The following TGS1 variants were observed in gnomAD, a reference collection of about 807,000 sequenced individuals.
TGS1 encodes trimethylguanosine synthase.
In TGS1, 69 loss-of-function variants were observed where a neutral mutation model predicts 92.2. The observed-to-expected ratio is 0.75, with a 90% CI of 0.62 to 0.91. TGS1 has a LOEUF of 0.91. Among genes scored for constraint, TGS1 ranks in the 40% least tolerant of loss-of-function variants. The pLI, the probability that TGS1 is intolerant of heterozygous loss-of-function variation, is 0.00. For synonymous variants in TGS1, 345 were observed against 338.1 expected (o/e 1.02, Z -0.22); for missense variants, 1,062 against 1,001.2 (o/e 1.06, Z -0.82).
At chr8:55,823,372 G>A (rs933464548) in intron 12 of TGS1, among the ~76,000 whole-genome samples, 5 of 152,194 alleles carry the variant, frequency 3.3e-5, no homozygotes, top group African/African-American at 1.2e-4. Context: ...CATTTGGCTA[G>A]CATCCTTTTG....
intron 10 of TGS1, among the ~76,000 whole-genome samples, chr8:55,808,203 A>T (rs1192753410): frequency 1.3e-5 from 2 of 152,204 alleles, no homozygotes; most frequent in Non-Finnish European, 1.5e-5. Context: ...GATAGCCTAG[A>T]GACAAGCTAC....
intron 12 of TGS1, among the ~76,000 whole-genome samples, chr8:55,817,314 CG>C (rs1803508013): frequency 6.6e-6 from 1 of 151,808 alleles, no homozygotes; most frequent in Admixed American, 6.6e-5. Flanking sequence ...ATAGATAGGT[CG>C]ATAGGAATGA....
Position 55,786,747 on chromosome 8 carries a change from C to T in TGS1, c.849C>T (p.Asn283=), listed in dbSNP as rs146870824. 5.9e-5 allele frequency: 95 copies of T among 1,614,036 alleles called. No homozygotes were observed. In the African/African-American group the frequency reaches 7.3e-4, roughly 12 times the overall value. Residue 283 remains asparagine, a synonymous_variant, in exon 4 of 13, where the codon AAC becomes AAT. Coordinates refer to ENST00000260129, the MANE Select transcript of TGS1 (RefSeq NM_024831.8). ...YTSKTEADDK[N]DEKCMKVDLV... ...CTAAAACAGAAGCTGATGACAAGAACGATGAAAAATGCATGAAAGTTGACT... is the reference window on the plus strand; with the variant it reads ...CTAAAACAGAAGCTGATGACAAGAATGATGAAAAATGCATGAAAGTTGACT...
chr8:55,802,413 T>G (rs770344974), intron 8 of TGS1, 44 bp from the exon 9 acceptor site: 3 of 1,546,002 alleles, frequency 1.9e-6, no homozygotes, highest in Non-Finnish European at 2.7e-6. Flanking sequence ...GTGATACTAA[T>G]TTTTTTCTTA....
chr8:55,801,829 C>G (rs1812224248), intron 8 of TGS1, among the ~76,000 whole-genome samples: 1 of 151,638 alleles, frequency 6.6e-6, no homozygotes. Flanking sequence ...CCTGCCTCAG[C>G]CTCCCAAAGT....
At chr8:55,810,746 A>T in intron 10 of TGS1, 135 bp from the exon 11 acceptor site, 1 of 677,634 alleles carries the variant, frequency 1.5e-6, no homozygotes, top group South Asian at 1.8e-5. Flanking sequence ...TATCTCGGGT[A>T]TATGTGGCCA....
chr8:55,823,813 G>C (rs528155806), intron 12 of TGS1, among the ~76,000 whole-genome samples: 6 of 152,040 alleles, frequency 3.9e-5, no homozygotes, highest in Middle Eastern at 3.2e-3. Flanking sequence ...GAGAAAAATA[G>C]TAATAATATT....
rs758322342 is a variant in TGS1, at chr8:55,785,924, TCTTC to T, written c.339+34_339+37del. The T allele has an allele frequency of 5.3e-6, 8 of 1,522,364 alleles. No individual in the cohort carries two copies. In the African/African-American group the frequency reaches 8.4e-5, roughly 16 times the overall value. The allele number at this position is 1,522,364 out of a possible 1,614,324, so 94.3% of individuals were successfully genotyped here. A position where few individuals can be genotyped will look rare whatever the true frequency, so the allele number is the denominator to read the frequency against. On this transcript the variant is annotated intron_variant, in intron 3 of 12. Transcript: ENST00000260129. ...TTAATTTACTTTTATTATTTCTCTC[TCTTC>T]GTTTTCTTTATAAAATATCGCAAGG...
intron 12 of TGS1, among the ~76,000 whole-genome samples, chr8:55,821,736 G>A (rs1044154326): frequency 3.3e-5 from 5 of 151,896 alleles, no homozygotes; most frequent in Admixed American, 6.6e-5. Context: ...AGCCGGGTGT[G>A]GTGGCGGGCG....
intron 5 of TGS1, among the ~76,000 whole-genome samples, chr8:55,792,454 A>G (rs1811913541): frequency 6.6e-6 from 1 of 152,212 alleles, no homozygotes; most frequent in Non-Finnish European, 1.5e-5. Flanking sequence ...AATAGAAATC[A>G]TTACTTGACA....
intron 12 of TGS1, among the ~76,000 whole-genome samples, chr8:55,822,064 T>C (rs1474356650): frequency 1.3e-5 from 2 of 151,344 alleles, no homozygotes; most frequent in East Asian, 1.9e-4. Context: ...ATTGGCTTTT[T>C]TTTCTTTCTT....
At position 55,773,581 on chromosome 8, in the gene TGS1, C is replaced by T. The variant is rs748489026; in HGVS notation, c.-38C>T. The T allele has an allele frequency of 5.8e-6, 9 of 1,548,540 alleles. No individual in the cohort carries two copies. Among genetic ancestry groups the T allele is most frequent in the South Asian group, 1.2e-5 (1 of 86,954 alleles). On this transcript the variant is annotated 5_prime_UTR_variant, in exon 1 of 13. Coordinates refer to ENST00000260129, the MANE Select transcript of TGS1 (RefSeq NM_024831.8). ...GAGCGGAGGCCCGGCAGGCGCGACC[C>T]GGGCTGCGTACGTCAGAGCTGCCTC...
rs113650611 is a variant in TGS1 at position 55,800,686 on chromosome 8, A to G, written c.1849+1466A>G. 5.8e-3 allele frequency among the ~76,000 whole-genome samples: 890 copies of G among 152,326 alleles called. 5 individuals carry two copies. Among genetic ancestry groups the G allele is most frequent in the African/African-American group, 0.02 (835 of 41,568 alleles). Reference sequence around the variant, plus strand: ...AAAGAATTATTCCACCCACAATGTCATTATACCCCCTGTTGACAAATAATC... The same window carrying G: ...AAAGAATTATTCCACCCACAATGTCGTTATACCCCCTGTTGACAAATAATC... On this transcript the variant is annotated intron_variant, in intron 8 of 12. Transcript: ENST00000260129.
chr8:55,807,102 G>C (rs1362329302), intron 10 of TGS1, among the ~76,000 whole-genome samples: 2 of 151,430 alleles, frequency 1.3e-5, no homozygotes, highest in Non-Finnish European at 2.9e-5. Context: ...CTAATTTTTT[G>C]TATTTTTAGT....
chr8:55,785,850 C>T lies in TGS1; in HGVS notation c.298C>T (p.Pro100Ser). The T allele has an allele frequency of 6.2e-7, 1 of 1,613,028 alleles. No homozygotes were observed. The highest frequency in any genetic ancestry group is 8.5e-7 in the Non-Finnish European group (1 of 1,179,498). The change falls in exon 3 of 13, where the codon CCA becomes TCA. Residue 100 changes from proline to serine, a missense_variant. Coordinates refer to ENST00000260129, the MANE Select transcript of TGS1 (RefSeq NM_024831.8). ...TGAACTCATGAGAAGTATGGGATTG[C>T]CACTTCAATTTGGTAGGATAACTGC... The part of the protein sequence containing the change: ...EAELMRSMGL[P>S]LQFGRITAHK...
rs200946303 is a variant in TGS1 at position 55,793,781 on chromosome 8, A to T, written c.1367+997A>T. ...TTATTTATTTATTTATTTATTTTTT[A>T]ATTTTTTATTTTTTTTAGTAGAGAC... is the stretch of plus-strand genomic sequence containing the variant. On this transcript the variant is annotated intron_variant, in intron 6 of 12. Transcript: ENST00000260129. Among the ~76,000 whole-genome samples, 18 of 145,318 alleles carry T rather than the reference A, an allele frequency of 1.2e-4. 1 individual carries two copies. The highest frequency in any genetic ancestry group is 8.6e-4 in the South Asian group (4 of 4,628).
At chr8:55,812,890 G>A (rs1803376032) in intron 11 of TGS1, 150 bp from the exon 12 acceptor site, 4 of 620,250 alleles carry the variant, frequency 6.4e-6, no homozygotes, top group Admixed American at 2.9e-5. Flanking sequence ...AATTTTGTAT[G>A]TAATTCTCTT....
chr8:55,805,003 A>G lies in TGS1; in HGVS notation c.2110A>G (p.Asn704Asp), dbSNP rs367858216. 6.2e-7 allele frequency: 1 copy of G among 1,613,866 alleles called. No individual in the cohort carries two copies. The highest frequency in any genetic ancestry group is 1.3e-5 in the African/African-American group (1 of 74,900). Residue 704 changes from asparagine to aspartate, a missense_variant, in exon 10 of 13, where the codon AAT (asparagine) becomes GAT (aspartate). Asn to Asp is a conservative substitution (Grantham distance 23). Transcript: ENST00000260129. The part of the protein sequence containing the change: ...VVDAFCGVGG[N>D]TIQFALTGMR... Reference sequence around the variant, plus strand: ...AGACGCATTCTGTGGAGTTGGAGGAAATACCATTCAGTTTGCCTTAACAGG... The same window carrying G: ...AGACGCATTCTGTGGAGTTGGAGGAGATACCATTCAGTTTGCCTTAACAGG...
At chr8:55,812,939 T>C (rs1220076412) in intron 11 of TGS1, 101 bp from the exon 12 acceptor site, 14 of 916,666 alleles carry the variant, frequency 1.5e-5, no homozygotes, top group Admixed American at 1.2e-4. Context: ...TGCCTTTTAG[T>C]TACATTTTGA....
Sources: gnomAD v4.1 joint callset for allele counts (sites outside exome capture counted in the v4.1 genomes callset) on GRCh38, gnomAD v4.1.1 for gene constraint, MANE v1.5 for transcripts, NCBI Gene and HGNC (gene_info 2026-07-23, HGNC 2026-07-21) for gene names.